AASS: variants seen among roughly 807,000 people sequenced by gnomAD.
AASS encodes aminoadipate-semialdehyde synthase, also known as alpha-aminoadipic semialdehyde synthase, mitochondrial.
In AASS, 86 loss-of-function variants were observed where a neutral mutation model predicts 105.4. That is an observed-to-expected ratio of 0.82 (90% CI 0.69 to 0.98). The LOEUF (loss-of-function observed/expected upper bound fraction) is 0.98, where lower values mean the gene tolerates loss of function less well. Ranked by LOEUF, AASS falls within the 50% of genes least tolerant of loss-of-function variation. The pLI is 0.00. For missense variants in AASS, 1,048 were observed against 1,143.2 expected, an observed-to-expected ratio of 0.92 and a Z score of 1.20; for synonymous variants, 381 against 394.8, an observed-to-expected ratio of 0.96 and a Z score of 0.41.
chr7:122,141,670 A>C (rs1277028736), intron 1 of AASS, among the ~76,000 whole-genome samples: 3 of 150,758 alleles, frequency 2.0e-5, no homozygotes, highest in East Asian at 1.9e-4. Flanking sequence ...AAAAAAAAAA[A>C]AAAAAAAAAA....
At chr7:122,139,211 G>A (rs563394693) in intron 1 of AASS, among the ~76,000 whole-genome samples, 2 of 152,212 alleles carry the variant, frequency 1.3e-5, no homozygotes, top group African/African-American at 4.8e-5. Flanking sequence ...TTTGTACACG[G>A]AATATGGGAC....
intron 4 of AASS, among the ~76,000 whole-genome samples, chr7:122,125,699 C>CAT (rs1795626358): frequency 6.6e-6 from 1 of 152,200 alleles, no homozygotes; most frequent in Non-Finnish European, 1.5e-5. Flanking sequence ...GAGGAACAGG[C>CAT]TATGACTTAA....
chr7:122,133,121 T>C (rs1584898950), intron 2 of AASS, among the ~76,000 whole-genome samples: 1 of 152,144 alleles, frequency 6.6e-6, no homozygotes. Context: ...AAAGTATACA[T>C]ATATATGTAT....
intron 10 of AASS, 58 bp downstream of exon 10, chr7:122,113,540 A>G: frequency 1.3e-6 from 2 of 1,592,276 alleles, no homozygotes; most frequent in Non-Finnish European, 1.7e-6. Flanking sequence ...AGAATTTTAG[A>G]GTAGTATATC....
intron 9 of AASS, 110 bp from the exon 10 acceptor site, chr7:122,113,830 C>T: frequency 5.4e-6 from 7 of 1,295,546 alleles, no homozygotes; most frequent in Non-Finnish European, 7.5e-6. Context: ...AAATATTTTC[C>T]AGGCTTTTGG....
chr7:122,092,985 T>G, intron 16 of AASS, 34 bp from the exon 17 acceptor site: 1 of 1,612,146 alleles, frequency 6.2e-7, no homozygotes, highest in Non-Finnish European at 8.5e-7. Flanking sequence ...AAGGAAAACT[T>G]GGATATAAAA....
intron 11 of AASS, among the ~76,000 whole-genome samples, chr7:122,108,391 T>A (rs932458149): frequency 3.7e-4 from 57 of 152,066 alleles, no homozygotes; most frequent in African/African-American, 1.2e-3. Flanking sequence ...TTCAGGCCAA[T>A]ATCCCTGAAG....
At chr7:122,112,783 T>A (rs933012999) in intron 11 of AASS, among the ~76,000 whole-genome samples, 1 of 152,092 alleles carries the variant, frequency 6.6e-6, no homozygotes, top group South Asian at 2.1e-4. Flanking sequence ...TACGGCACAA[T>A]AAGAGTGCCC....
At chr7:122,138,575 C>T (rs1796255141) in intron 1 of AASS, among the ~76,000 whole-genome samples, 1 of 152,030 alleles carries the variant, frequency 6.6e-6, no homozygotes, top group Non-Finnish European at 1.5e-5. Flanking sequence ...AAAGCGAAAA[C>T]TTGGATAAGA....
At chr7:122,136,342 A>C in intron 1 of AASS, among the ~76,000 whole-genome samples, 1 of 152,194 alleles carries the variant, frequency 6.6e-6, no homozygotes. Flanking sequence ...AGTCCAGCTA[A>C]GAAGGCTTTA....
chr7:122,135,274 A>AC (rs1469925576), intron 1 of AASS, among the ~76,000 whole-genome samples: 1 of 151,254 alleles, frequency 6.6e-6, no homozygotes, highest in Non-Finnish European at 1.5e-5. Flanking sequence ...AAAGTATTAA[A>AC]AAAAAAAAAA....
At chr7:122,134,817 A>G (rs1268681750) in intron 1 of AASS, among the ~76,000 whole-genome samples, 1 of 152,180 alleles carries the variant, frequency 6.6e-6, no homozygotes, top group African/African-American at 2.4e-5. Context: ...ATAAAGACAC[A>G]TGCACATGTA....
chr7:122,136,562 A>G (rs972452814), intron 1 of AASS, among the ~76,000 whole-genome samples: 2 of 152,182 alleles, frequency 1.3e-5, no homozygotes, highest in African/African-American at 4.8e-5. Context: ...CAAACCCATA[A>G]CATTCAGTCT....
intron 19 of AASS, 107 bp from the exon 20 acceptor site, chr7:122,081,702 T>A: frequency 2.6e-6 from 2 of 782,706 alleles, no homozygotes; most frequent in Non-Finnish European, 4.3e-6. Context: ...TTTAGAAAAC[T>A]GTTTATATTG....
Position 122,113,589 on chromosome 7 carries a change from C to G in AASS, c.1166+9G>C. The G allele has an allele frequency of 6.2e-7, 1 of 1,613,136 alleles. No individual in the cohort carries two copies. Among genetic ancestry groups the G allele is most frequent in the Non-Finnish European group, 8.5e-7 (1 of 1,179,858 alleles). On this transcript the variant is annotated intron_variant, in intron 10 of 23. Transcript: ENST00000417368. ...GAGGAATATCATCTAACAACTTTAG[C>G]AAACTCACCTGTCATGAATAATATG...
intron 18 of AASS, among the ~76,000 whole-genome samples, chr7:122,087,090 T>C (rs976754857): frequency 2.0e-5 from 3 of 152,182 alleles, no homozygotes; most frequent in Admixed American, 6.6e-5. Flanking sequence ...ATTGTACCAC[T>C]GGAAACAATT....
chr7:122,120,180 G>A (rs1404854152), intron 4 of AASS, among the ~76,000 whole-genome samples: 2 of 152,010 alleles, frequency 1.3e-5, no homozygotes, highest in African/African-American at 2.4e-5. Flanking sequence ...TATTATAAAT[G>A]GAGTTGCTAT....
intron 2 of AASS, among the ~76,000 whole-genome samples, chr7:122,132,976 T>C (rs1795978855): frequency 1.3e-5 from 2 of 152,198 alleles, no homozygotes; most frequent in Admixed American, 1.3e-4. Context: ...TTATGAATTA[T>C]TAATTTCTTA....
Position 122,078,010 on chromosome 7 carries a change from A to G in AASS, c.2490T>C (p.Pro830=). The part of the protein sequence containing the change: ...KHLVMKLSYG[P]EEKDMIVMRD... ...TCATCACAATCATATCTTTTTCTTC[A>G]GGACCTTAAAACAAATAAAGATAAG... Residue 830 remains proline (P), a synonymous_variant, in exon 23 of 24, where the codon CCT becomes CCC. Transcript: ENST00000417368. The G allele has an allele frequency of 6.2e-7, 1 of 1,613,938 alleles. No individual in the cohort carries two copies. Among genetic ancestry groups the G allele is most frequent in the Non-Finnish European group, 8.5e-7 (1 of 1,179,812 alleles).
Sources: gnomAD v4.1 joint callset for allele counts (sites outside exome capture counted in the v4.1 genomes callset) on GRCh38, gnomAD v4.1.1 for gene constraint, MANE v1.5 for transcripts, NCBI Gene and HGNC (gene_info 2026-07-23, HGNC 2026-07-21) for gene names.